Variants in TOP2A observed in about 807,000 individuals in gnomAD.
TOP2A encodes the protein DNA topoisomerase 2-alpha.
A neutral mutation model predicts 187.2 loss-of-function variants in TOP2A; 68 were observed. The observed-to-expected ratio is 0.36, with a 90% CI of 0.30 to 0.44. The LOEUF (loss-of-function observed/expected upper bound fraction) is 0.44, where lower values mean the gene tolerates loss of function less well. Ranked by LOEUF, TOP2A falls within the 20% of genes least tolerant of loss-of-function variation. The pLI, the probability that TOP2A is intolerant of heterozygous loss-of-function variation, is 1.00. For missense variants in TOP2A, 1,196 were observed against 1,808.7 expected, an observed-to-expected ratio of 0.66 and a Z score of 6.14; for synonymous variants, 542 against 593.2, an observed-to-expected ratio of 0.91 and a Z score of 1.25.
At chr17:40,415,227 T>C (rs1462240860) in intron 4 of TOP2A, among the ~76,000 whole-genome samples, 1 of 152,012 alleles carries the variant, frequency 6.6e-6, no homozygotes, top group Admixed American at 6.6e-5. Flanking sequence ...GCTAATTTTT[T>C]GTATTTTTAG....
intron 10 of TOP2A, chr17:40,409,319 TG>T: frequency 5.6e-6 from 2 of 359,282 alleles, no homozygotes; most frequent in South Asian, 4.1e-5. Flanking sequence ...CGGGTTGCAG[TG>T]AACTGAGATC....
At chr17:40,402,573 G>A (rs2035195328) in intron 20 of TOP2A, among the ~76,000 whole-genome samples, 1 of 152,232 alleles carries the variant, frequency 6.6e-6, no homozygotes, top group South Asian at 2.1e-4. Flanking sequence ...CTGAAAGGGT[G>A]ACTGGGATGA....
chr17:40,407,824 A>G lies in TOP2A; in HGVS notation c.1500+143T>C. The stretch of plus-strand genomic sequence containing the variant: ...CTACATCAGAAAGGTCTGTTAAAAT[A>G]GGCTACAATGTACCTAATTTCTCAA... On this transcript the variant is annotated intron_variant, in intron 12 of 34. Transcript: ENST00000423485. The G allele has an allele frequency of 2.5e-6, 3 of 1,187,248 alleles. No homozygotes were observed. The South Asian group carries it at 4.6e-5, about 18-fold the overall frequency. 73.5% of individuals were successfully genotyped at this position (1,187,248 alleles called of 1,614,324 possible).
At chr17:40,410,907 T>C (rs1039796685) in intron 10 of TOP2A, among the ~76,000 whole-genome samples, 1 of 152,232 alleles carries the variant, frequency 6.6e-6, no homozygotes, top group Non-Finnish European at 1.5e-5. Flanking sequence ...AATGGTAAAA[T>C]GTAATTGGGA....
At position 40,398,826 on chromosome 17, in the gene TOP2A, A is replaced by G. The variant is rs1183761378; in HGVS notation, c.3400T>C (p.Trp1134Arg). The G allele has an allele frequency of 1.2e-6, 2 of 1,613,576 alleles. No homozygotes were observed. Among genetic ancestry groups the G allele is most frequent in the Non-Finnish European group, 1.7e-6 (2 of 1,179,758 alleles). Residue 1134 changes from tryptophan to arginine, a missense_variant, in exon 26 of 35, where the codon TGG (tryptophan) becomes CGG (arginine). Trp to Arg is a moderately radical substitution (Grantham distance 101). Transcript: ENST00000423485. ...TCTTTCTTTTCCTTGGTTAAATACC[A>G]AAGGGGCATATCAAGAAGATAGTTG... ...TFNYLLDMPL[W>R]YLTKEKKDEL...
At chr17:40,410,716 C>T in intron 10 of TOP2A, 2 of 437,584 alleles carry the variant, frequency 4.6e-6, no homozygotes, top group Non-Finnish European at 9.0e-6. Flanking sequence ...TTGGTTGGGG[C>T]TTTTTACTAA....
At position 40,406,756 on chromosome 17, in the gene TOP2A, C is replaced by T. The variant is rs935578674; in HGVS notation, c.1738-67G>A. The T allele has an allele frequency of 5.8e-5, 90 of 1,560,632 alleles. No individual in the cohort carries two copies. In the African/African-American group the frequency reaches 6.6e-4, roughly 12 times the overall value. On this transcript the variant is annotated intron_variant, in intron 14 of 34. Transcript: ENST00000423485. Reference sequence around the variant, plus strand: ...GTCCCCTGTATACCACTACATGTGACGGGGCTTATATGTATATCCAGGTTT... The same window carrying T: ...GTCCCCTGTATACCACTACATGTGATGGGGCTTATATGTATATCCAGGTTT...
chr17:40,401,144 T>C (rs1476026228), intron 20 of TOP2A, 63 bp from the exon 21 acceptor site: 10 of 1,393,566 alleles, frequency 7.2e-6, no homozygotes, highest in South Asian at 2.5e-5. Context: ...TTAACTTTTA[T>C]GGAAAGGACA....
chr17:40,416,661 C>T (rs1356131693), intron 2 of TOP2A, 79 bp downstream of exon 2: 7 of 1,533,588 alleles, frequency 4.6e-6, no homozygotes, highest in Non-Finnish European at 5.3e-6. Flanking sequence ...AAAGGTCACA[C>T]TCAGTACATG....
intron 10 of TOP2A, chr17:40,409,576 T>C (rs2035294099): frequency 7.8e-6 from 3 of 386,248 alleles, no homozygotes; most frequent in Non-Finnish European, 1.5e-5. Context: ...CTGGCCAACA[T>C]GGTAAAACCC....
intron 13 of TOP2A, among the ~76,000 whole-genome samples, chr17:40,407,211 C>T (rs993364377): frequency 6.6e-6 from 1 of 152,174 alleles, no homozygotes; most frequent in African/African-American, 2.4e-5. Flanking sequence ...TTGCAGTGAG[C>T]CAAGATTGCA....
intron 4 of TOP2A, 84 bp from the exon 5 acceptor site, chr17:40,413,709 C>G (rs2035352933): frequency 1.4e-6 from 1 of 726,894 alleles, no homozygotes; most frequent in Non-Finnish European, 2.1e-6. Flanking sequence ...ACTATTATTT[C>G]TAAAATATGT....
rs768791843 is a variant in TOP2A, at chr17:40,407,955, C to T, written c.1500+12G>A. Reference sequence around the variant, plus strand: ...ATTAGATTTAGATTCTGAAGATCGTCTTATATTCTACCTGCTTATGAGAAG... The same window carrying T: ...ATTAGATTTAGATTCTGAAGATCGTTTTATATTCTACCTGCTTATGAGAAG... On this transcript the variant is annotated intron_variant, in intron 12 of 34. Coordinates refer to ENST00000423485, the MANE Select transcript of TOP2A (RefSeq NM_001067.4). 9 of 1,605,492 alleles carry T rather than the reference C, an allele frequency of 5.6e-6. No individual in the cohort carries two copies. Among genetic ancestry groups the T allele is most frequent in the Admixed American group, 5.2e-5 (3 of 58,098 alleles).
Position 40,392,190 on chromosome 17 carries a change from C to A in TOP2A, c.4088+28G>T, listed in dbSNP as rs2035031071. 2.5e-6 allele frequency: 4 copies of A among 1,612,092 alleles called. 1 individual carries two copies. In the South Asian group the frequency reaches 3.3e-5, roughly 13 times the overall value. On this transcript the variant is annotated intron_variant, in intron 31 of 34. Transcript: ENST00000423485. Reference sequence around the variant, plus strand: ...AACAATATATTAGAAACAATCATGACAAAACCCATATTAGATAAGATACTT... The same window carrying A: ...AACAATATATTAGAAACAATCATGAAAAAACCCATATTAGATAAGATACTT...
At chr17:40,405,760 C>T (rs759516643) in intron 16 of TOP2A, among the ~76,000 whole-genome samples, 1 of 151,338 alleles carries the variant, frequency 6.6e-6, no homozygotes, top group Non-Finnish European at 1.5e-5. Context: ...TGAGCCACCA[C>T]GCCTGGCCTT....
chr17:40,406,288 T>C, intron 16 of TOP2A, 96 bp downstream of exon 16: 2 of 771,368 alleles, frequency 2.6e-6, no homozygotes, highest in Non-Finnish European at 4.0e-6. Context: ...TCTTTTTTTT[T>C]TGATACGGAG....
chr17:40,404,987 T>C (rs1207956628), intron 16 of TOP2A, 104 bp from the exon 17 acceptor site: 1 of 720,500 alleles, frequency 1.4e-6, no homozygotes, highest in Non-Finnish European at 2.2e-6. Context: ...AAATACTGTT[T>C]TCCTTTTTTT....
chr17:40,415,639 A>G (rs1367727934), intron 4 of TOP2A, among the ~76,000 whole-genome samples: 4 of 152,248 alleles, frequency 2.6e-5, no homozygotes, highest in Admixed American at 6.5e-5. Flanking sequence ...ATTAGGTGTC[A>G]TAAGTCCTGT....
Position 40,406,530 on chromosome 17 carries a change from C to CT in TOP2A, c.1844-38dup, listed in dbSNP as rs779658848. ...AAAATACCAAGTTCCTTCATATAGT[C>CT]TTGTACAGGGTGTATAATAAAATGA... On this transcript the variant is annotated intron_variant, in intron 15 of 34. Transcript: ENST00000423485. 1.1e-3 allele frequency: 1,695 copies of CT among 1,608,788 alleles called. 2 individuals are homozygous for CT. Among genetic ancestry groups the CT allele is most frequent in the Non-Finnish European group, 1.3e-3 (1,550 of 1,175,906 alleles).
Sources: allele counts gnomAD v4.1 joint callset (sites outside exome capture counted in the v4.1 genomes callset), GRCh38; gene constraint gnomAD v4.1.1; transcripts MANE v1.5; gene names NCBI Gene and HGNC (gene_info 2026-07-23, HGNC 2026-07-21).